The following LARS2 variants were observed in gnomAD, a reference collection of about 807,000 sequenced individuals.
LARS2 encodes leucine--tRNA ligase, mitochondrial.
A neutral mutation model predicts 116.6 loss-of-function variants in LARS2; 81 were observed. The ratio of observed to expected loss-of-function variants is 0.69; its 90% CI spans 0.58 to 0.84. The LOEUF is 0.84. Among genes scored for constraint, LARS2 ranks in the 40% least tolerant of loss-of-function variants. LARS2 has a pLI of 0.00. For synonymous variants in LARS2, 396 were observed against 407.2 expected (o/e 0.97, Z 0.33); for missense variants, 968 against 1,114.5 (o/e 0.87, Z 1.87).
intron 10 of LARS2, among the ~76,000 whole-genome samples, chr3:45,483,616 T>C (rs2125725002): frequency 6.6e-6 from 1 of 152,206 alleles, no homozygotes; most frequent in East Asian, 1.9e-4. Flanking sequence ...ACCACTGTAC[T>C]CTAGCCTGGG....
intron 10 of LARS2, 29 bp from the exon 11 acceptor site, chr3:45,485,663 C>A: frequency 7.7e-7 from 1 of 1,302,450 alleles, no homozygotes; most frequent in South Asian, 1.3e-5. Context: ...AGTTGAGTGG[C>A]ATCCACAGTT....
intron 3 of LARS2, among the ~76,000 whole-genome samples, chr3:45,397,921 C>G (rs1318855981): frequency 1.3e-5 from 2 of 152,214 alleles, no homozygotes; most frequent in Non-Finnish European, 2.9e-5. Context: ...TGAGTTCCCA[C>G]CAACCCCTGA....
At chr3:45,500,381 T>A (rs1272225444) in intron 14 of LARS2, 61 bp from the exon 15 acceptor site, 2 of 1,528,004 alleles carry the variant, frequency 1.3e-6, no homozygotes, top group Non-Finnish European at 1.8e-6. Flanking sequence ...AATAGGCCTG[T>A]TTAATTTACA....
At position 45,516,138 on chromosome 3, in the gene LARS2, A is replaced by G; in HGVS notation, c.1906A>G (p.Thr636Ala). ...AAAAACGAAAGAGAAGTTAGAGGTG[A>G]CGTGGGAGAAGATGAGTAAGTCCAA... Reference protein sequence around the residue: ...HAKTKEKLEVTWEKMSKSKHN... With the variant: ...HAKTKEKLEVAWEKMSKSKHN... The change falls in exon 17 of 22, where the codon ACG becomes GCG. Residue 636 changes from threonine (T) to alanine (A), a missense_variant. Physicochemically the swap from Thr to Ala is moderately conservative, Grantham distance 58. Coordinates refer to ENST00000645846, the MANE Select transcript of LARS2 (RefSeq NM_015340.4). 6.2e-7 allele frequency: 1 copy of G among 1,614,216 alleles called. No homozygotes were observed. Among genetic ancestry groups the G allele is most frequent in the Non-Finnish European group, 8.5e-7 (1 of 1,180,028 alleles).
chr3:45,485,339 G>C (rs1255912897), intron 10 of LARS2, among the ~76,000 whole-genome samples: 1 of 152,116 alleles, frequency 6.6e-6, no homozygotes, highest in Non-Finnish European at 1.5e-5. Context: ...AATTTCTGAT[G>C]TCCCTGGTTT....
chr3:45,476,384 G>C (rs1315966277), intron 9 of LARS2, 84 bp from the exon 10 acceptor site: 3 of 1,401,492 alleles, frequency 2.1e-6, no homozygotes, highest in Non-Finnish European at 3.0e-6. Flanking sequence ...AATGAGGAGG[G>C]AAGGGGAAGG....
chr3:45,437,351 T>TA (rs1698825323), intron 6 of LARS2, among the ~76,000 whole-genome samples: 1 of 152,240 alleles, frequency 6.6e-6, no homozygotes. Flanking sequence ...AATGAGTTCT[T>TA]AGACAAATGT....
intron 15 of LARS2, among the ~76,000 whole-genome samples, chr3:45,509,994 A>G (rs1380435376): frequency 1.3e-5 from 2 of 151,742 alleles, no homozygotes; most frequent in East Asian, 3.9e-4. Flanking sequence ...ACTTTGTCCT[A>G]CTCACATTAT....
chr3:45,523,791 G>A (rs1452021402), intron 19 of LARS2, among the ~76,000 whole-genome samples: 5 of 151,722 alleles, frequency 3.3e-5, no homozygotes, highest in Admixed American at 3.3e-4. Flanking sequence ...GGGAGTATAA[G>A]TGTCAGCTAC....
intron 12 of LARS2, among the ~76,000 whole-genome samples, chr3:45,490,833 C>T (rs1699902760): frequency 6.6e-6 from 1 of 152,188 alleles, no homozygotes; most frequent in Non-Finnish European, 1.5e-5. Context: ...GTTTGGCTCT[C>T]TGAAAAGCAC....
At chr3:45,423,023 C>T (rs902039617) in intron 6 of LARS2, among the ~76,000 whole-genome samples, 7 of 152,248 alleles carry the variant, frequency 4.6e-5, no homozygotes, top group Non-Finnish European at 7.4e-5. Context: ...CTTTAGACTT[C>T]TATTTTTAAT....
intron 20 of LARS2, among the ~76,000 whole-genome samples, chr3:45,529,808 G>A (rs1371159155): frequency 2.0e-5 from 3 of 152,188 alleles, no homozygotes; most frequent in Non-Finnish European, 2.9e-5. Context: ...CTGCAAACTG[G>A]AGTAGCCCAA....
Position 45,458,743 on chromosome 3 carries a change from G to A in LARS2, c.607G>A (p.Ala203Thr). 2 of 1,614,074 alleles carry A rather than the reference G, an allele frequency of 1.2e-6. No individual in the cohort carries two copies. The highest frequency in any genetic ancestry group is 1.3e-5 in the African/African-American group (1 of 75,030). Residue 203 changes from alanine to threonine, a missense_variant and splice_region_variant, in exon 8 of 22, where the codon GCC becomes ACC. By Grantham distance (58) the Ala-to-Thr change is moderately conservative. Coordinates refer to ENST00000645846, the MANE Select transcript of LARS2 (RefSeq NM_015340.4). ...CCATTTTGTTTCATGAATTATACAG[G>A]CCCTGGTTAACTGGGACCCAGTGGA... Reference protein sequence around the residue: ...YEAGLAYQKEALVNWDPVDQT... With the variant: ...YEAGLAYQKETLVNWDPVDQT...
At chr3:45,437,247 TA>T (rs1393452619) in intron 6 of LARS2, among the ~76,000 whole-genome samples, 4 of 152,198 alleles carry the variant, frequency 2.6e-5, no homozygotes, top group Admixed American at 6.5e-5. Flanking sequence ...GCACGCCCTG[TA>T]AAAAGTGTCT....
chr3:45,402,366 TTGAAATC>T (rs1200614903), intron 4 of LARS2, among the ~76,000 whole-genome samples: 1 of 152,206 alleles, frequency 6.6e-6, no homozygotes, highest in African/African-American at 2.4e-5. Context: ...CCTTGGCAGC[TTGAAATC>T]TGCCATTGAG....
At chr3:45,495,199 G>C (rs1699991023) in intron 13 of LARS2, 1 of 152,208 alleles carries the variant, frequency 6.6e-6, no homozygotes, top group African/African-American at 2.4e-5. Flanking sequence ...TTTATTCTCT[G>C]TCTTGAACAC....
intron 4 of LARS2, among the ~76,000 whole-genome samples, chr3:45,400,645 A>G (rs1698131098): frequency 3.9e-5 from 6 of 152,176 alleles, no homozygotes. Flanking sequence ...AAATGTGGAT[A>G]ACACTGATAA....
At chr3:45,492,991 C>A (rs1017646143) in intron 13 of LARS2, among the ~76,000 whole-genome samples, 1 of 152,186 alleles carries the variant, frequency 6.6e-6, no homozygotes, top group African/African-American at 2.4e-5. Context: ...TGGTGGCCTG[C>A]ATACAGCACA....
chr3:45,405,103 C>T (rs947915026), intron 4 of LARS2, among the ~76,000 whole-genome samples: 4 of 151,436 alleles, frequency 2.6e-5, no homozygotes, highest in Non-Finnish European at 4.4e-5. Context: ...TTTGTGTTAG[C>T]ATGTCAAGTT....
Sources: gnomAD v4.1 joint callset for allele counts (sites outside exome capture counted in the v4.1 genomes callset) on GRCh38, gnomAD v4.1.1 for gene constraint, MANE v1.5 for transcripts, NCBI Gene and HGNC (gene_info 2026-07-23, HGNC 2026-07-21) for gene names.